MAP6: variants seen among roughly 807,000 people sequenced by gnomAD.
The protein encoded by MAP6 is microtubule-associated protein 6.
A neutral mutation model predicts 42.4 loss-of-function variants in MAP6; 26 were observed. The observed-to-expected ratio is 0.61, with a 90% CI of 0.45 to 0.85. The LOEUF (loss-of-function observed/expected upper bound fraction) is 0.85, where lower values mean the gene tolerates loss of function less well. Ranked by LOEUF, MAP6 falls within the 40% of genes least tolerant of loss-of-function variation. MAP6 has a pLI of 0.00. For missense variants in MAP6, 966 were observed against 1,099.0 expected, an observed-to-expected ratio of 0.88 and a Z score of 1.71; for synonymous variants, 418 against 443.8, an observed-to-expected ratio of 0.94 and a Z score of 0.73.
intron 1 of MAP6, among the ~76,000 whole-genome samples, chr11:75,612,365 C>T (rs1229070775): frequency 6.6e-6 from 1 of 152,142 alleles, no homozygotes; most frequent in Non-Finnish European, 1.5e-5. Context: ...GGTATTTAGA[C>T]CTGACCATGT....
intron 1 of MAP6, among the ~76,000 whole-genome samples, chr11:75,623,031 T>C (rs1943135253): frequency 6.6e-6 from 1 of 152,152 alleles, no homozygotes; most frequent in Non-Finnish European, 1.5e-5. Context: ...TTATTAAACA[T>C]TTATCATCAT....
intron 2 of MAP6, chr11:75,607,395 A>G: frequency 1.0e-6 from 1 of 985,464 alleles, no homozygotes; most frequent in South Asian, 4.7e-5. Context: ...AAGATGCTAG[A>G]TTGCATGGCT....
chr11:75,640,184 C>T (rs943120239), intron 1 of MAP6, among the ~76,000 whole-genome samples: 33 of 141,368 alleles, frequency 2.3e-4, no homozygotes, highest in African/African-American at 8.7e-4. Context: ...CCCCAACCAA[C>T]CCCCACCCCC....
chr11:75,660,095 T>A (rs917740497), intron 1 of MAP6, among the ~76,000 whole-genome samples: 2 of 152,172 alleles, frequency 1.3e-5, no homozygotes, highest in African/African-American at 4.8e-5. Flanking sequence ...CAAGTTTCTC[T>A]CCTGGCTTTC....
At chr11:75,641,493 AAG>A (rs1943470923) in intron 1 of MAP6, among the ~76,000 whole-genome samples, 1 of 151,960 alleles carries the variant, frequency 6.6e-6, no homozygotes, top group South Asian at 2.1e-4. Context: ...TAAAAAAAAA[AAG>A]AAATTCCAAT....
chr11:75,667,853 A>G lies in MAP6; in HGVS notation c.517T>C (p.Trp173Arg). 1 of 1,436,324 alleles carries G rather than the reference A, an allele frequency of 7.0e-7. No homozygotes were observed. Among genetic ancestry groups the G allele is most frequent in the East Asian group, 2.9e-5 (1 of 33,974 alleles). The allele number at this position is 1,436,324 out of a possible 1,614,324, so 89.0% of individuals were successfully genotyped here. A position where few individuals can be genotyped will look rare whatever the true frequency, so the allele number is the denominator to read the frequency against. ...GAGATCTGCACGGGCTTGGGGATCCACGGGTGGTCCCCGCGGCGCGGCAGC... is the reference window on the plus strand; with the variant it reads ...GAGATCTGCACGGGCTTGGGGATCCGCGGGTGGTCCCCGCGGCGCGGCAGC... ...WPLPRRGDHP[W>R]IPKPVQISAA... The change falls in exon 1 of 4, where the codon TGG (tryptophan) becomes CGG (arginine). Residue 173 changes from tryptophan (W) to arginine (R), a missense_variant. Physicochemically the swap from Trp to Arg is moderately radical, Grantham distance 101. This residue lies in a region of MAP6 where 943 missense variants were observed against 1,049.9 expected (regional missense o/e 0.90). Transcript: ENST00000304771. The surrounding 1 kb of genome is among the most constrained non-coding windows in gnomAD (Gnocchi z 5.6).
intron 1 of MAP6, among the ~76,000 whole-genome samples, chr11:75,617,260 T>C (rs1284556508): frequency 6.6e-6 from 1 of 152,160 alleles, no homozygotes; most frequent in Admixed American, 6.5e-5. Flanking sequence ...CTCAAGCCTA[T>C]GATCCCAGCA....
Position 75,588,045 on chromosome 11 carries a change from C to T in MAP6, c.1456G>A (p.Gly486Ser), listed in dbSNP as rs1942395579. The change falls in exon 4 of 4, where the codon GGT becomes AGT. Residue 486 changes from glycine to serine, a missense_variant. Gly to Ser is a moderately conservative substitution (Grantham distance 56). This residue lies in a region of MAP6 where 943 missense variants were observed against 1,049.9 expected (regional missense o/e 0.90). Transcript: ENST00000304771. ...TTTGGAGGCCCTGGGACCACAGAAC[C>T]TTGCTTCTTCAGAGGCTCTTGCACC... The part of the protein sequence containing the change: ...PMVQEPLKKQ[G>S]SVVPGPPKDL... 1 of 1,613,940 alleles carries T rather than the reference C, an allele frequency of 6.2e-7. No individual in the cohort carries two copies. The highest frequency in any genetic ancestry group is 8.5e-7 in the Non-Finnish European group (1 of 1,180,042).
At chr11:75,630,288 G>A (rs1432024423) in intron 1 of MAP6, among the ~76,000 whole-genome samples, 1 of 152,164 alleles carries the variant, frequency 6.6e-6, no homozygotes, top group Non-Finnish European at 1.5e-5. Flanking sequence ...TATAGAATGA[G>A]CTATGAAGTG....
chr11:75,646,024 C>T (rs1197093836), intron 1 of MAP6, among the ~76,000 whole-genome samples: 3 of 151,314 alleles, frequency 2.0e-5, no homozygotes, highest in Non-Finnish European at 4.4e-5. Context: ...GAAAAAGTTA[C>T]ATGTCTTCAA....
rs78363033 is a variant in MAP6, at chr11:75,595,594, C to T, written c.1317-7410G>A. ...TCAGCCCAAGCAGCTCTAGCTTTAT[C>T]AGTGCTGGCTGCCCAAACACCACCC... On this transcript the variant is annotated intron_variant, in intron 3 of 3. Transcript: ENST00000304771. Among the ~76,000 whole-genome samples, 15 of 152,358 alleles carry T rather than the reference C, an allele frequency of 9.8e-5. No individual in the cohort carries two copies. In the East Asian group the frequency reaches 2.7e-3, roughly 27 times the overall value.
chr11:75,604,224 G>A (rs1015839160), intron 3 of MAP6: 7 of 985,722 alleles, frequency 7.1e-6, no homozygotes, highest in African/African-American at 1.7e-5. Flanking sequence ...TGTAGCACAC[G>A]CCGAATTAAT....
rs113740803 is a variant in MAP6, at chr11:75,601,502, C to T, written c.1316+4306G>A. ...TACATACGGCTTTTCATTTATACCA[C>T]CCTTGAATGATTTCTACCCCTGCCT... On this transcript the variant is annotated intron_variant, in intron 3 of 3. Transcript: ENST00000304771. Among the ~76,000 whole-genome samples, 370 of 152,168 alleles carry T rather than the reference C, an allele frequency of 2.4e-3. 2 individuals are homozygous for T. Among genetic ancestry groups the T allele is most frequent in the African/African-American group, 8.4e-3 (349 of 41,502 alleles).
At chr11:75,604,811 C>T in intron 3 of MAP6, 1 of 985,504 alleles carries the variant, frequency 1.0e-6, no homozygotes, top group Non-Finnish European at 1.2e-6. Flanking sequence ...GACATTCTCC[C>T]TGACCTGAGG....
At chr11:75,623,763 G>A (rs747701604) in intron 1 of MAP6, among the ~76,000 whole-genome samples, 1 of 152,320 alleles carries the variant, frequency 6.6e-6, no homozygotes, top group East Asian at 1.9e-4. Flanking sequence ...AGGCTGGAGT[G>A]CAGTGGCGCT....
At position 75,652,973 on chromosome 11, in the gene MAP6, A is replaced by G. The variant is rs189811087; in HGVS notation, c.905+14492T>C. On this transcript the variant is annotated intron_variant, in intron 1 of 3. Transcript: ENST00000304771. ...CAGGAACACTCCGACTGCCATCCCTACTCCTTTTCCTCCTCTTACTTCTCT... is the reference window on the plus strand; with the variant it reads ...CAGGAACACTCCGACTGCCATCCCTGCTCCTTTTCCTCCTCTTACTTCTCT... 1.3e-4 allele frequency among the ~76,000 whole-genome samples: 20 copies of G among 151,838 alleles called. No individual in the cohort carries two copies. In the East Asian group the frequency reaches 3.1e-3, roughly 24 times the overall value.
At chr11:75,617,341 A>G (rs987893591) in intron 1 of MAP6, among the ~76,000 whole-genome samples, 2 of 151,760 alleles carry the variant, frequency 1.3e-5, no homozygotes, top group Non-Finnish European at 1.5e-5. Context: ...ACATGGTAAA[A>G]CCCCCTCTCT....
chr11:75,653,994 T>C lies in MAP6; in HGVS notation c.905+13471A>G, dbSNP rs12274118. Among the ~76,000 whole-genome samples, 681 of 152,356 alleles carry C rather than the reference T, an allele frequency of 4.5e-3. 4 individuals carry two copies. The highest frequency in any genetic ancestry group is 0.016 in the African/African-American group (648 of 41,574). On this transcript the variant is annotated intron_variant, in intron 1 of 3. Coordinates refer to ENST00000304771, the MANE Select transcript of MAP6 (RefSeq NM_033063.2). The stretch of plus-strand genomic sequence containing the variant: ...CATTCATTTGTTCAATTAATTCATA[T>C]CTATTAAGCATCTATTAAACACCAT...
At position 75,587,677 on chromosome 11, in the gene MAP6, G is replaced by A. The variant is rs147919497; in HGVS notation, c.1824C>T (p.Pro608=). Residue 608 remains proline (P), a synonymous_variant, in exon 4 of 4, where the codon CCC becomes CCT. Transcript: ENST00000304771. The part of the protein sequence containing the change: ...MVSAPVKDQG[P]IVPAPVKGEG... ...CACCCTTGACAGGTGCTGGGACTAT[G>A]GGACCTTGATCCTTGACAGGTGCTG... The A allele has an allele frequency of 3.2e-5, 51 of 1,613,346 alleles. No individual in the cohort carries two copies. In the African/African-American group the frequency reaches 6.4e-4, roughly 20 times the overall value.
Sources: allele counts gnomAD v4.1 joint callset (sites outside exome capture counted in the v4.1 genomes callset), GRCh38; gene constraint gnomAD v4.1.1; regional missense constraint gnomAD v4.1.1; non-coding constraint Gnocchi (gnomAD v3.1); transcripts MANE v1.5; gene names NCBI Gene and HGNC (gene_info 2026-07-23, HGNC 2026-07-21).